DRC2: variants seen among roughly 807,000 people sequenced by gnomAD.
DRC2 encodes the protein dynein regulatory complex subunit 2.
chr12:48,908,604 A>ATTATTTATTTATTTAT, the DRC2 span, among the ~76,000 whole-genome samples: 1 of 110,966 alleles, frequency 9.0e-6, no homozygotes, highest in Non-Finnish European at 1.7e-5. Flanking sequence ...TATTATTATT[A>ATTATTTATTTATTTAT]TTATTTATTT....
At chr12:48,920,784 G>A in the DRC2 span, 1 of 644,984 alleles carries the variant, frequency 1.6e-6, no homozygotes, top group African/African-American at 1.8e-5. Context: ...TGTGTTACAT[G>A]GTAACCTCCA....
At chr12:48,907,709 C>T in the DRC2 span, among the ~76,000 whole-genome samples, 1 of 152,192 alleles carries the variant, frequency 6.6e-6, no homozygotes, top group East Asian at 1.9e-4. Flanking sequence ...CTTTATCTAA[C>T]CTAACCTCTC....
chr12:48,913,128 C>T, the DRC2 span, among the ~76,000 whole-genome samples: 5 of 99,342 alleles, frequency 5.0e-5, no homozygotes, highest in African/African-American at 8.5e-5. Context: ...AGCAAGACTC[C>T]GTCTCAAAAA....
chr12:48,904,421 G>A, the DRC2 span: 1 of 1,614,114 alleles, frequency 6.2e-7, no homozygotes, highest in Non-Finnish European at 8.5e-7. Context: ...GCTGGCAGAG[G>A]AGGAGATGGC....
the DRC2 span, among the ~76,000 whole-genome samples, chr12:48,912,272 A>C: frequency 1.3e-5 from 2 of 151,422 alleles, no homozygotes; most frequent in African/African-American, 4.9e-5. Context: ...CTACTAAAAA[A>C]TAAAAAAATT....
At chr12:48,921,091 C>G in the DRC2 span, 2 of 1,610,610 alleles carry the variant, frequency 1.2e-6, no homozygotes, top group African/African-American at 1.3e-5. Flanking sequence ...AGGTAAAGCC[C>G]GGGGGATGGT....
At chr12:48,918,772 T>C in the DRC2 span, 13 of 1,614,082 alleles carry the variant, frequency 8.1e-6, no homozygotes, top group Non-Finnish European at 7.6e-6. Context: ...TGACAAGGAA[T>C]TGGTCCTTGT....
At chr12:48,910,102 C>T in the DRC2 span, among the ~76,000 whole-genome samples, 1 of 152,140 alleles carries the variant, frequency 6.6e-6, no homozygotes, top group Non-Finnish European at 1.5e-5. Context: ...TTTCATTCCT[C>T]CTTCAAGAGT....
At chr12:48,919,495 G>GC in the DRC2 span, among the ~76,000 whole-genome samples, 3 of 151,520 alleles carry the variant, frequency 2.0e-5, no homozygotes, top group Non-Finnish European at 2.9e-5. Context: ...ACTGCGTTGA[G>GC]CTCCCCCTTA....
At chr12:48,914,319 A>G in the DRC2 span, 2 of 1,384,682 alleles carry the variant, frequency 1.4e-6, no homozygotes, top group Non-Finnish European at 1.9e-6. Context: ...TTAGGAACAA[A>G]GAAAAAACTG....
the DRC2 span, among the ~76,000 whole-genome samples, chr12:48,906,007 GT>G: frequency 1.6e-4 from 25 of 152,126 alleles, no homozygotes; most frequent in African/African-American, 5.8e-4. Context: ...TCCTGACCTT[GT>G]GACCCACCCG....
chr12:48,904,232 G>T, the DRC2 span: 1 of 1,465,950 alleles, frequency 6.8e-7, no homozygotes, highest in Non-Finnish European at 9.1e-7. Context: ...CCACAACCAG[G>T]GGCACTTCTG....
the DRC2 span, among the ~76,000 whole-genome samples, chr12:48,912,539 C>T: frequency 7.0e-4 from 104 of 149,294 alleles, 2 homozygotes; most frequent in African/African-American, 2.4e-3. Context: ...TTCTAAGGGG[C>T]GGGAAGCAGA....
At chr12:48,905,158 T>G in the DRC2 span, 1 of 1,500,836 alleles carries the variant, frequency 6.7e-7, no homozygotes, top group Non-Finnish European at 9.0e-7. Context: ...CTTCCTGACC[T>G]CTTAATAGAA....
At chr12:48,904,923 G>A in the DRC2 span, 1 of 1,558,478 alleles carries the variant, frequency 6.4e-7, no homozygotes, top group Non-Finnish European at 8.7e-7. Flanking sequence ...ACTTCCTGGA[G>A]GTATATTTAT....
the DRC2 span, chr12:48,904,970 A>G: frequency 6.2e-7 from 1 of 1,610,974 alleles, no homozygotes; most frequent in Non-Finnish European, 8.5e-7. Context: ...GGAGGAACAC[A>G]ACAGTGCTCT....
the DRC2 span, chr12:48,918,866 A>G: frequency 5.0e-6 from 8 of 1,614,068 alleles, no homozygotes; most frequent in South Asian, 1.1e-5. Context: ...CTGGAAAGTA[A>G]TGCCACCCTC....
chr12:48,914,620 C>G, the DRC2 span: 1 of 1,586,120 alleles, frequency 6.3e-7, no homozygotes, highest in Non-Finnish European at 8.6e-7. Flanking sequence ...AGGGGAGTGC[C>G]CAGAGTCCGT....
the DRC2 span, chr12:48,921,066 C>T: frequency 2.5e-6 from 4 of 1,611,848 alleles, no homozygotes; most frequent in South Asian, 1.1e-5. Context: ...GAAGAGCTTA[C>T]TGAGGAGCTC....
Sources: allele counts gnomAD v4.1 joint callset (sites outside exome capture counted in the v4.1 genomes callset), GRCh38; gene constraint gnomAD v4.1.1; transcripts MANE v1.5; gene names NCBI Gene and HGNC (gene_info 2026-07-23, HGNC 2026-07-21).